CELF5: variants seen among roughly 807,000 people sequenced by gnomAD.
CELF5 encodes the protein CUG-BP and ETR-3 like factor 5.
CELF5 carries 6 observed loss-of-function variants against 54.9 expected under a neutral mutation model. The ratio of observed to expected loss-of-function variants is 0.11; its 90% CI spans 0.06 to 0.22. CELF5 has a LOEUF of 0.22. Among genes scored for constraint, CELF5 ranks in the 10% least tolerant of loss-of-function variants. The pLI, the probability that CELF5 is intolerant of heterozygous loss-of-function variation, is 1.00. For synonymous variants in CELF5, 271 were observed against 290.9 expected (o/e 0.93, Z 0.70); for missense variants, 401 against 678.6 (o/e 0.59, Z 4.54).
intron 1 of CELF5, among the ~76,000 whole-genome samples, chr19:3,247,167 C>T (rs1161189349): frequency 6.6e-6 from 1 of 152,136 alleles, no homozygotes; most frequent in African/African-American, 2.4e-5. Context: ...GACTGTGTCA[C>T]CCAGGCTGGA....
At chr19:3,232,712 TG>T (rs1186357021) in intron 1 of CELF5, among the ~76,000 whole-genome samples, 1 of 151,698 alleles carries the variant, frequency 6.6e-6, no homozygotes, top group Non-Finnish European at 1.5e-5. Flanking sequence ...GAGGCTGAGG[TG>T]GGAGGATTGC....
At chr19:3,245,253 TGTG>T (rs2145038386) in intron 1 of CELF5, among the ~76,000 whole-genome samples, 1 of 149,334 alleles carries the variant, frequency 6.7e-6, no homozygotes, top group Non-Finnish European at 1.5e-5. Flanking sequence ...TGCGTGTGTA[TGTG>T]GTGTGTGTAT....
rs1171645727 is a variant in CELF5 at position 3,281,947 on chromosome 19, A to C, written c.751-179A>C. 6.6e-6 allele frequency among the ~76,000 whole-genome samples: 1 copy of C among 151,580 alleles called. No individual in the cohort carries two copies. The highest frequency in any genetic ancestry group is 1.5e-5 in the Non-Finnish European group (1 of 67,874). On this transcript the variant is annotated intron_variant, in intron 6 of 12. Coordinates refer to ENST00000292672, the MANE Select transcript of CELF5 (RefSeq NM_021938.4). The surrounding 1 kb of genome is among the most constrained non-coding windows in gnomAD (Gnocchi z 6.5). ...GATCTCAGCCTGAGCCTCACTTCCG[A>C]ACCGATCTCTGCTCCCAGGCTGAGC... is the stretch of plus-strand genomic sequence containing the variant.
chr19:3,243,599 A>G (rs1189652784), intron 1 of CELF5, among the ~76,000 whole-genome samples: 1 of 152,124 alleles, frequency 6.6e-6, no homozygotes, highest in Non-Finnish European at 1.5e-5. Context: ...CTTTATTAAC[A>G]TCACTGCACG....
At chr19:3,251,176 A>T (rs2079642173) in intron 2 of CELF5, 109 bp downstream of exon 2, 1 of 788,222 alleles carries the variant, frequency 1.3e-6, no homozygotes, top group Non-Finnish European at 2.1e-6. Context: ...GTGTCTCGGG[A>T]CTCAGAAAGA....
intron 1 of CELF5, among the ~76,000 whole-genome samples, chr19:3,237,301 G>C (rs1471105637): frequency 3.6e-5 from 4 of 110,552 alleles, no homozygotes; most frequent in Non-Finnish European, 6.6e-5. Context: ...GACAGAGCAC[G>C]ACTCCGTCTC....
In CELF5 at chr19:3,281,812, C is replaced by G. The variant is rs2080156697; in HGVS notation, c.751-314C>G. On this transcript the variant is annotated intron_variant, in intron 6 of 12. Transcript: ENST00000292672. The surrounding 1 kb of genome is among the most constrained non-coding windows in gnomAD (Gnocchi z 6.5). ...CTCACTTCCTAACCGAGCCTTGATC[C>G]TAGATTGAGCCTTAGTCCCAGGCTG... is the stretch of plus-strand genomic sequence containing the variant. Among the ~76,000 whole-genome samples the G allele has an allele frequency of 6.6e-6, 1 of 151,902 alleles. No individual in the cohort carries two copies. The highest frequency in any genetic ancestry group is 1.5e-5 in the Non-Finnish European group (1 of 67,956).
At position 3,269,714 on chromosome 19, in the gene CELF5, G is replaced by T. The variant is rs574195601; in HGVS notation, c.343-4158G>T. On this transcript the variant is annotated intron_variant, in intron 2 of 12. Coordinates refer to ENST00000292672, the MANE Select transcript of CELF5 (RefSeq NM_021938.4). ...TGCCAAAACGCTCCCCAGCCCACAG[G>T]ACCCCTTGGTTGGAGGGATGTCTAG... is the stretch of plus-strand genomic sequence containing the variant. Among the ~76,000 whole-genome samples, 9 of 152,238 alleles carry T rather than the reference G, an allele frequency of 5.9e-5. No homozygotes were observed. In the South Asian group the frequency reaches 1.9e-3, roughly 32 times the overall value.
intron 1 of CELF5, among the ~76,000 whole-genome samples, chr19:3,227,288 C>T (rs762554210): frequency 6.6e-6 from 1 of 152,126 alleles, no homozygotes; most frequent in Admixed American, 6.5e-5. Flanking sequence ...AGTGACTGCC[C>T]CTCTCTGGGC....
At chr19:3,280,232 T>C (rs1346276950) in intron 5 of CELF5, among the ~76,000 whole-genome samples, 1 of 152,066 alleles carries the variant, frequency 6.6e-6, no homozygotes, top group African/African-American at 2.4e-5. Context: ...TACTGTCCGC[T>C]GTCCACTGGG....
At chr19:3,233,713 G>A (rs779711165) in intron 1 of CELF5, among the ~76,000 whole-genome samples, 5 of 152,148 alleles carry the variant, frequency 3.3e-5, no homozygotes, top group Admixed American at 1.3e-4. Context: ...AGAGGGAGTC[G>A]CGCAGGTTGT....
At chr19:3,291,105 A>AC (rs1419765681) in intron 11 of CELF5, among the ~76,000 whole-genome samples, 1 of 134,484 alleles carries the variant, frequency 7.4e-6, no homozygotes, top group Non-Finnish European at 1.7e-5. Context: ...TACAAAAAAT[A>AC]CAAAAAAAAA....
intron 1 of CELF5, among the ~76,000 whole-genome samples, chr19:3,239,311 G>A (rs2079458794): frequency 6.6e-6 from 1 of 151,846 alleles, no homozygotes; most frequent in African/African-American, 2.4e-5. Context: ...CATTGCCCAG[G>A]CTGGTGCAAA....
Position 3,278,133 on chromosome 19 carries a change from C to CGTGGGG in CELF5, c.603+35_603+40dup. The CGTGGGG allele has an allele frequency of 3.4e-6, 2 of 580,334 alleles. No individual in the cohort carries two copies. The highest frequency in any genetic ancestry group is 6.4e-6 in the Non-Finnish European group (2 of 313,614). 35.9% of individuals were successfully genotyped at this position (580,334 alleles called of 1,614,324 possible). A position where few individuals can be genotyped will look rare whatever the true frequency, so the allele number is the denominator to read the frequency against. On this transcript the variant is annotated intron_variant, in intron 5 of 12. Transcript: ENST00000292672. The surrounding 1 kb of genome is among the most constrained non-coding windows in gnomAD (Gnocchi z 4.5). ...CCGGTGAGTTGGAGCTGCCCTTGGCCGTGGGGGTGGGGGTGGGAAAGGGGT... is the reference window on the plus strand; with the variant it reads ...CCGGTGAGTTGGAGCTGCCCTTGGCCGTGGGGGTGGGGGTGGGGGTGGGAAAGGGGT...
intron 12 of CELF5, chr19:3,293,715 G>T (rs1234170332): frequency 2.3e-6 from 1 of 440,970 alleles, no homozygotes; most frequent in Non-Finnish European, 4.1e-6. Context: ...ACTGAGGTGA[G>T]CCAGGGCCCA....
At chr19:3,255,086 A>G (rs1259972314) in intron 2 of CELF5, among the ~76,000 whole-genome samples, 1 of 152,096 alleles carries the variant, frequency 6.6e-6, no homozygotes, top group Non-Finnish European at 1.5e-5. Flanking sequence ...CTAAACTCCC[A>G]TCATCAGTTC....
intron 8 of CELF5, among the ~76,000 whole-genome samples, chr19:3,284,010 GATTTT>G (rs1040110045): frequency 1.3e-5 from 2 of 151,410 alleles, no homozygotes; most frequent in Non-Finnish European, 2.9e-5. Flanking sequence ...GCTAATTTTC[GATTTT>G]ATTTTATTTT....
intron 2 of CELF5, among the ~76,000 whole-genome samples, chr19:3,259,533 G>A (rs1164082769): frequency 2.6e-5 from 4 of 151,910 alleles, no homozygotes; most frequent in African/African-American, 9.7e-5. Flanking sequence ...CTCCCGATGG[G>A]GTAGACAGTA....
chr19:3,293,286 G>A (rs188507294), intron 11 of CELF5, 33 bp from the exon 12 acceptor site: 47 of 1,612,378 alleles, frequency 2.9e-5, no homozygotes, highest in South Asian at 4.4e-5. Flanking sequence ...CACCCGCAGC[G>A]CCAACCACGG....
Sources: gnomAD v4.1 joint callset for allele counts (sites outside exome capture counted in the v4.1 genomes callset) on GRCh38, gnomAD v4.1.1 for gene constraint, Gnocchi (gnomAD v3.1) non-coding constraint, MANE v1.5 for transcripts, NCBI Gene and HGNC (gene_info 2026-07-23, HGNC 2026-07-21) for gene names.